The following IFTAP variants were observed in gnomAD, a reference collection of about 807,000 sequenced individuals.
The protein encoded by IFTAP is intraflagellar transport-associated protein.
In IFTAP, 19 loss-of-function variants were observed where a neutral mutation model predicts 19.4. The observed-to-expected ratio is 0.98, with a 90% confidence interval of 0.68 to 1.44. The LOEUF (loss-of-function observed/expected upper bound fraction) is 1.44. Ranked by LOEUF, IFTAP falls within the 40% of genes most tolerant of loss-of-function variation. IFTAP has a pLI of 0.00. For missense variants in IFTAP, 240 were observed against 253.6 expected (o/e 0.95, Z 0.36); for synonymous variants, 85 against 83.5 (o/e 1.02, Z -0.10).
intron 1 of IFTAP, among the ~76,000 whole-genome samples, chr11:36,600,796 T>C (rs1302231370): frequency 6.6e-6 from 1 of 152,208 alleles, no homozygotes; most frequent in African/African-American, 2.4e-5. Flanking sequence ...AAACAACCTT[T>C]ATCTTATGGG....
rs140986945 is a variant in IFTAP, at chr11:36,653,613, A to G, written c.499-5406A>G. ...CCACAACAGCCAATAACTGAAATAT[A>G]TACATAGAAATGCAACCTTTCTGTA... On this transcript the variant is annotated intron_variant, in intron 5 of 5. Transcript: ENST00000334307. Among the ~76,000 whole-genome samples, 209 of 152,302 alleles carry G rather than the reference A, an allele frequency of 1.4e-3. 1 individual carries two copies. The highest frequency in any genetic ancestry group is 4.4e-3 in the African/African-American group (181 of 41,578).
intron 5 of IFTAP, among the ~76,000 whole-genome samples, chr11:36,658,075 AC>A (rs1854072675): frequency 6.6e-6 from 1 of 152,210 alleles, no homozygotes; most frequent in South Asian, 2.1e-4. Context: ...CTACATTTTT[AC>A]GAACATTGCA....
intron 2 of IFTAP, 149 bp downstream of exon 2, chr11:36,610,388 A>AG: frequency 7.2e-6 from 5 of 690,156 alleles, no homozygotes; most frequent in Non-Finnish European, 1.2e-5. Flanking sequence ...CTCGTGACTG[A>AG]TGCCCTAATG....
rs1385381705 is a variant in IFTAP at position 36,633,400 on chromosome 11, A to G, written c.253A>G (p.Ile85Val). Residue 85 changes from isoleucine to valine, a missense_variant, in exon 3 of 6, where the codon ATC becomes GTC. Ile to Val is a conservative substitution (Grantham distance 29, BLOSUM62 3). Coordinates refer to ENST00000334307, the MANE Select transcript of IFTAP (RefSeq NM_138787.4). ...ADDYHLRNKT[I>V]FLRTSSQCLE... ...TGACTACCATCTTAGAAATAAAACC[A>G]TCTTTCTTCGTACTTCATCACAATG... The G allele has an allele frequency of 2.5e-6, 4 of 1,603,594 alleles. No homozygotes were observed. In the Admixed American group the frequency reaches 6.8e-5, roughly 27 times the overall value.
At position 36,657,088 on chromosome 11, in the gene IFTAP, A is replaced by G. The variant is rs139351289; in HGVS notation, c.499-1931A>G. Among the ~76,000 whole-genome samples, 450 of 152,226 alleles carry G rather than the reference A, an allele frequency of 3.0e-3. 5 individuals carry two copies. The highest frequency in any genetic ancestry group is 0.01 in the African/African-American group (425 of 41,548). ...AATAGACATGTGATGAAAGGCCTTTACCCAGGCATGAAAGGGCAGCAAAAT... is the reference window on the plus strand; with the variant it reads ...AATAGACATGTGATGAAAGGCCTTTGCCCAGGCATGAAAGGGCAGCAAAAT... On this transcript the variant is annotated intron_variant, in intron 5 of 5. Coordinates refer to ENST00000334307, the MANE Select transcript of IFTAP (RefSeq NM_138787.4).
At chr11:36,594,898 C>T (rs1234758940) in intron 1 of IFTAP, 4 of 152,298 alleles carry the variant, frequency 2.6e-5, no homozygotes, top group Non-Finnish European at 5.9e-5. Context: ...CAAAACTACA[C>T]CCCTGACGAC....
rs1851125659 is a variant in IFTAP, at chr11:36,594,554, G to A, written c.-62G>A. On this transcript the variant is annotated 5_prime_UTR_variant, in exon 1 of 6. Transcript: ENST00000334307. Reference sequence around the variant, plus strand: ...CTGTCTTTGTTGCTCTGGGAGAGGGGACTCCTGGAATGTGTCTGTGAATAA... The same window carrying A: ...CTGTCTTTGTTGCTCTGGGAGAGGGAACTCCTGGAATGTGTCTGTGAATAA... 3.9e-6 allele frequency: 1 copy of A among 259,108 alleles called. No homozygotes were observed. The highest frequency in any genetic ancestry group is 7.5e-6 in the Non-Finnish European group (1 of 133,344). The allele number at this position is 259,108 out of a possible 1,614,324, so 16.1% of individuals were successfully genotyped here.
rs570259957 is a variant in IFTAP at position 36,633,825 on chromosome 11, G to A, written c.291+387G>A. Among the ~76,000 whole-genome samples, 15 of 152,098 alleles carry A rather than the reference G, an allele frequency of 9.9e-5. No homozygotes were observed. In the East Asian group the frequency reaches 2.9e-3, roughly 29 times the overall value. ...TCTCTTTCAAACTCAAGATGGAATC[G>A]ATTATCTTGTTTTTCTCTAATATCT... On this transcript the variant is annotated intron_variant, in intron 3 of 5. Coordinates refer to ENST00000334307, the MANE Select transcript of IFTAP (RefSeq NM_138787.4).
rs1212246362 is a variant in IFTAP, at chr11:36,604,453, GTTC to G, written c.-23-5625_-23-5623del. ...GATGAAAAACAATAAAGGAGTGTAGGTTCTTTTCTGTTTTGTAAGAGATGTTTT... is the reference window on the plus strand; with the variant it reads ...GATGAAAAACAATAAAGGAGTGTAGGTTTTCTGTTTTGTAAGAGATGTTTT... On this transcript the variant is annotated intron_variant, in intron 1 of 5. Transcript: ENST00000334307. Among the ~76,000 whole-genome samples the G allele has an allele frequency of 5.3e-5, 8 of 152,224 alleles. No homozygotes were observed. In the South Asian group the frequency reaches 6.2e-4, roughly 12 times the overall value.
At chr11:36,653,182 A>G (rs548503492) in intron 5 of IFTAP, among the ~76,000 whole-genome samples, 1 of 152,274 alleles carries the variant, frequency 6.6e-6, no homozygotes, top group African/African-American at 2.4e-5. Flanking sequence ...TGTAAGCATT[A>G]GTTCTATTTT....
At chr11:36,622,090 A>ATTTTTTTTTTTTTT (rs34399300) in intron 2 of IFTAP, among the ~76,000 whole-genome samples, 1 of 111,222 alleles carries the variant, frequency 9.0e-6, no homozygotes, top group Non-Finnish European at 1.8e-5. Context: ...TCTATTTTTT[A>ATTTTTTTTTTTTTT]TTTTTTTTTT....
intron 2 of IFTAP, among the ~76,000 whole-genome samples, chr11:36,611,480 T>C (rs1319632040): frequency 6.6e-6 from 1 of 152,118 alleles, no homozygotes; most frequent in African/African-American, 2.4e-5. Context: ...ACTCTTAAGA[T>C]ACCTGACTTC....
At position 36,610,227 on chromosome 11, in the gene IFTAP, C is replaced by T; in HGVS notation, c.124C>T (p.His42Tyr). The T allele has an allele frequency of 6.2e-7, 1 of 1,606,034 alleles. No homozygotes were observed. The highest frequency in any genetic ancestry group is 2.2e-5 in the East Asian group (1 of 44,738). ...YDEEFLNTFT[H>Y]LSQEDHVSKR... is the part of the protein sequence containing the mutation. ...TGAAGAATTTCTGAACACTTTTACT[C>T]ATCTTTCACAAGGTAAAATGGAGAA... The change falls in exon 2 of 6, where the codon CAT becomes TAT. Residue 42 changes from histidine (H) to tyrosine (Y), a missense_variant. By Grantham distance (83) the His-to-Tyr change is moderately conservative. Transcript: ENST00000334307.
intron 5 of IFTAP, among the ~76,000 whole-genome samples, chr11:36,649,408 A>C (rs1298585488): frequency 6.6e-6 from 1 of 152,130 alleles, no homozygotes; most frequent in Non-Finnish European, 1.5e-5. Flanking sequence ...CTAAAATTAT[A>C]AGACTATTTC....
chr11:36,652,970 G>A lies in IFTAP; in HGVS notation c.498+4815G>A, dbSNP rs1853810365. 2.0e-5 allele frequency among the ~76,000 whole-genome samples: 3 copies of A among 152,056 alleles called. No homozygotes were observed. The South Asian group carries it at 6.2e-4, about 32-fold the overall frequency. On this transcript the variant is annotated intron_variant, in intron 5 of 5. Coordinates refer to ENST00000334307, the MANE Select transcript of IFTAP (RefSeq NM_138787.4). Reference sequence around the variant, plus strand: ...GACAGAACAAAGAGAGTTGTTATTAGGAGGATGAAAATTTGTGATACCCAC... The same window carrying A: ...GACAGAACAAAGAGAGTTGTTATTAAGAGGATGAAAATTTGTGATACCCAC...
intron 3 of IFTAP, 115 bp downstream of exon 3, chr11:36,633,553 A>AT: frequency 1.3e-6 from 1 of 799,210 alleles, no homozygotes; most frequent in Non-Finnish European, 1.7e-6. Context: ...GTAATTCCTA[A>AT]TTCTAGAAGG....
At chr11:36,629,799 A>G (rs1320770910) in intron 2 of IFTAP, among the ~76,000 whole-genome samples, 4 of 151,256 alleles carry the variant, frequency 2.6e-5, no homozygotes, top group South Asian at 2.1e-4. Flanking sequence ...TTTAGTATCA[A>G]AAGGAAATTG....
At chr11:36,636,483 C>T (rs1200677957) in intron 4 of IFTAP, among the ~76,000 whole-genome samples, 1 of 152,092 alleles carries the variant, frequency 6.6e-6, no homozygotes, top group Non-Finnish European at 1.5e-5. Flanking sequence ...ACCTATTAAT[C>T]ATAAAAATCA....
chr11:36,633,337 T>A lies in IFTAP; in HGVS notation c.190T>A (p.Phe64Ile), dbSNP rs1852802053. The A allele has an allele frequency of 6.2e-7, 1 of 1,603,188 alleles. No homozygotes were observed. The highest frequency in any genetic ancestry group is 1.3e-5 in the African/African-American group (1 of 74,536). The change falls in exon 3 of 6, where the codon TTT becomes ATT. Residue 64 changes from phenylalanine to isoleucine, a missense_variant. Phe to Ile is a conservative substitution (Grantham distance 21, BLOSUM62 0). Coordinates refer to ENST00000334307, the MANE Select transcript of IFTAP (RefSeq NM_138787.4). ...TGGAACTGATTCTTCAGAAAACATT[T>A]TTACCTCAGCAAAAGTTACTCATAA... Reference protein sequence around the residue: ...VFGTDSSENIFTSAKVTHKNE... With the variant: ...VFGTDSSENIITSAKVTHKNE...
Sources: allele counts gnomAD v4.1 joint callset (sites outside exome capture counted in the v4.1 genomes callset), GRCh38; gene constraint gnomAD v4.1.1; transcripts MANE v1.5; gene names NCBI Gene and HGNC (gene_info 2026-07-23, HGNC 2026-07-21).